The following KIFAP3 variants were observed in gnomAD, a reference collection of about 807,000 sequenced individuals.
KIFAP3 encodes the protein kinesin associated protein 3.
Under a neutral mutation model 106.5 loss-of-function variants are expected in KIFAP3, and 68 were observed. The ratio of observed to expected loss-of-function variants is 0.64; its 90% CI spans 0.53 to 0.78. KIFAP3 has a LOEUF of 0.78. KIFAP3 is among the 30% of genes least tolerant of loss of function. The pLI is 0.00. For synonymous variants in KIFAP3, 320 were observed against 311.5 expected (o/e 1.03, Z -0.29); for missense variants, 780 against 941.8 (o/e 0.83, Z 2.25).
chr1:170,018,443 G>A (rs556555989), intron 9 of KIFAP3, among the ~76,000 whole-genome samples: 2 of 152,154 alleles, frequency 1.3e-5, no homozygotes, highest in Admixed American at 6.5e-5. Flanking sequence ...TTTTAAGGTA[G>A]CAATCGGAAA....
At chr1:170,062,159 T>G (rs1249373966) in intron 1 of KIFAP3, among the ~76,000 whole-genome samples, 2 of 136,098 alleles carry the variant, frequency 1.5e-5, no homozygotes, top group African/African-American at 5.5e-5. Context: ...ACTTAAAGTA[T>G]AATTTAAAAA....
At chr1:169,935,186 T>C (rs890742495) in intron 19 of KIFAP3, among the ~76,000 whole-genome samples, 13 of 152,110 alleles carry the variant, frequency 8.5e-5, no homozygotes, top group African/African-American at 2.9e-4. Flanking sequence ...TATCTCAGCA[T>C]GAAGTTTGGG....
Position 170,035,480 on chromosome 1 carries a change from T to A in KIFAP3, c.591A>T (p.Ile197=). 1 of 1,608,564 alleles carries A rather than the reference T, an allele frequency of 6.2e-7. No homozygotes were observed. The highest frequency in any genetic ancestry group is 8.5e-7 in the Non-Finnish European group (1 of 1,177,084). Residue 197 remains isoleucine, a synonymous_variant, in exon 6 of 20, where the codon ATA becomes ATT. Transcript: ENST00000361580. ...WKQSVELATN[I]IYIFFCFSSF... is the part of the protein sequence containing the mutation. ...TGGAGAAACAAAAAAAGATGTAAAT[T>A]ATGTTTGTAGCTAACTCGACACTTT...
chr1:169,997,521 T>C (rs1397041114), intron 10 of KIFAP3, among the ~76,000 whole-genome samples: 2 of 152,084 alleles, frequency 1.3e-5, no homozygotes, highest in Non-Finnish European at 2.9e-5. Context: ...TTCAGAGGTA[T>C]ACTCTGAGCC....
chr1:170,050,949 C>G (rs1247444036), intron 2 of KIFAP3, among the ~76,000 whole-genome samples: 2 of 152,074 alleles, frequency 1.3e-5, no homozygotes, highest in Admixed American at 1.3e-4. Flanking sequence ...TGCAAAATAA[C>G]CAGCTACCAG....
chr1:169,998,434 AC>A (rs1667495150), intron 10 of KIFAP3, among the ~76,000 whole-genome samples: 1 of 150,116 alleles, frequency 6.7e-6, no homozygotes, highest in South Asian at 2.1e-4. Context: ...ACACACACAC[AC>A]ACCACACACA....
chr1:170,036,295 G>T (rs1571707591), intron 5 of KIFAP3, among the ~76,000 whole-genome samples: 1 of 151,928 alleles, frequency 6.6e-6, no homozygotes, highest in South Asian at 2.1e-4. Context: ...GTTCTTAATA[G>T]ATACTCAGGA....
intron 17 of KIFAP3, among the ~76,000 whole-genome samples, chr1:169,971,898 C>T (rs1225134097): frequency 6.6e-6 from 1 of 151,680 alleles, no homozygotes; most frequent in African/African-American, 2.4e-5. Context: ...GGTGCAAGGC[C>T]CAAATCCAGG....
intron 10 of KIFAP3, among the ~76,000 whole-genome samples, chr1:170,000,043 T>C (rs1248296570): frequency 1.3e-5 from 2 of 152,062 alleles, no homozygotes; most frequent in Admixed American, 1.3e-4. Context: ...TTTTAAAATG[T>C]CTTCAGTTTT....
chr1:169,970,156 T>C (rs2101885350), intron 17 of KIFAP3, among the ~76,000 whole-genome samples: 1 of 152,150 alleles, frequency 6.6e-6, no homozygotes, highest in Admixed American at 6.6e-5. Flanking sequence ...AACTGACTTA[T>C]AATTCCCTTG....
intron 19 of KIFAP3, among the ~76,000 whole-genome samples, chr1:169,939,288 C>T (rs1663976152): frequency 6.6e-6 from 1 of 151,954 alleles, no homozygotes; most frequent in South Asian, 2.1e-4. Context: ...ACAGGGCATG[C>T]AGATGGTTTG....
chr1:169,923,224 G>T, intron 19 of KIFAP3: 1 of 266,088 alleles, frequency 3.8e-6, no homozygotes. Flanking sequence ...AAATTTTTAA[G>T]TCTACATTTT....
chr1:170,034,823 A>G (rs1467188308), intron 6 of KIFAP3, among the ~76,000 whole-genome samples: 1 of 151,970 alleles, frequency 6.6e-6, no homozygotes, highest in East Asian at 1.9e-4. Flanking sequence ...GCAATACTAG[A>G]CATACATTTT....
intron 1 of KIFAP3, among the ~76,000 whole-genome samples, chr1:170,066,023 T>C (rs905500100): frequency 6.6e-6 from 1 of 152,242 alleles, no homozygotes; most frequent in African/African-American, 2.4e-5. Context: ...ATTTTTTAAA[T>C]TCCATTTTGT....
At chr1:170,072,251 T>C (rs1671741833) in intron 1 of KIFAP3, among the ~76,000 whole-genome samples, 1 of 152,224 alleles carries the variant, frequency 6.6e-6, no homozygotes, top group Non-Finnish European at 1.5e-5. Flanking sequence ...CTGACTTTAC[T>C]TAATAATCTA....
At position 169,972,587 on chromosome 1, in the gene KIFAP3, ATGCTGG is replaced by A; in HGVS notation, c.1903_1908del (p.Pro635_Ala636del). On this transcript the variant is annotated inframe_deletion, in exon 17 of 20. Transcript: ENST00000361580. Reference sequence around the variant, plus strand: ...TTATCATGCATTAGGTCTATGAGATATGCTGGAGCCTCTGAATAAAAATGGTTAAAG... The same window carrying A: ...TTATCATGCATTAGGTCTATGAGATAAGCCTCTGAATAAAAATGGTTAAAG... The A allele has an allele frequency of 6.4e-7, 1 of 1,558,668 alleles. No individual in the cohort carries two copies. Among genetic ancestry groups the A allele is most frequent in the Admixed American group, 1.8e-5 (1 of 56,862 alleles).
At chr1:170,039,361 C>T in intron 3 of KIFAP3, 73 bp from the exon 4 acceptor site, 1 of 755,012 alleles carries the variant, frequency 1.3e-6, no homozygotes, top group Non-Finnish European at 2.2e-6. Flanking sequence ...TTTTCAGCAG[C>T]TGAGTTTAAC....
intron 1 of KIFAP3, among the ~76,000 whole-genome samples, chr1:170,069,613 A>G (rs556080228): frequency 6.6e-6 from 1 of 152,278 alleles, no homozygotes; most frequent in South Asian, 2.1e-4. Context: ...AAAACCCAAC[A>G]TCTTTTCATG....
chr1:170,060,624 T>C (rs897588202), intron 1 of KIFAP3, among the ~76,000 whole-genome samples: 2 of 152,172 alleles, frequency 1.3e-5, no homozygotes, highest in African/African-American at 4.8e-5. Flanking sequence ...CCCATCAAGC[T>C]ATCAATGACT....
Sources: allele counts gnomAD v4.1 joint callset (sites outside exome capture counted in the v4.1 genomes callset), GRCh38; gene constraint gnomAD v4.1.1; transcripts MANE v1.5; gene names NCBI Gene and HGNC (gene_info 2026-07-23, HGNC 2026-07-21).